RBFOX1: variants seen among roughly 807,000 people sequenced by gnomAD.
RBFOX1 encodes RNA binding protein fox-1 homolog 1.
Under a neutral mutation model 57.7 loss-of-function variants are expected in RBFOX1, and 8 were observed. The observed-to-expected ratio is 0.14, with a 90% CI of 0.08 to 0.25. RBFOX1 has a LOEUF of 0.25. Among genes scored for constraint, RBFOX1 ranks in the 10% least tolerant of loss-of-function variants. RBFOX1 has a pLI of 1.00. For missense variants in RBFOX1, 611 were observed against 548.5 expected (o/e 1.11, Z -1.14); for synonymous variants, 326 against 222.4 (o/e 1.47, Z -4.15).
chr16:5,898,605 G>C (rs959599438), intron 4 of RBFOX1, among the ~76,000 whole-genome samples: 9 of 151,342 alleles, frequency 5.9e-5, no homozygotes, highest in African/African-American at 1.2e-4. Flanking sequence ...TGTCAAGTCT[G>C]TTTTGCAGAT....
intron 1 of RBFOX1, among the ~76,000 whole-genome samples, chr16:5,408,411 C>T (rs141044988): frequency 3.3e-5 from 5 of 152,220 alleles, no homozygotes; most frequent in Non-Finnish European, 5.9e-5. Context: ...GAGGGTGCCG[C>T]GGTATGAATA....
intron 4 of RBFOX1, among the ~76,000 whole-genome samples, chr16:7,056,164 C>T (rs2052172514): frequency 6.6e-6 from 1 of 152,178 alleles, no homozygotes. Flanking sequence ...TGTCCATGAG[C>T]TTCCTGTCCC....
chr16:6,754,072 A>G (rs1284138832), intron 3 of RBFOX1, among the ~76,000 whole-genome samples: 2 of 152,168 alleles, frequency 1.3e-5, no homozygotes, highest in African/African-American at 2.4e-5. Flanking sequence ...TAAAAAAATA[A>G]AGACACCCAT....
intron 3 of RBFOX1, among the ~76,000 whole-genome samples, chr16:6,980,043 A>G (rs1403624607): frequency 2.6e-5 from 4 of 152,152 alleles, no homozygotes; most frequent in African/African-American, 4.8e-5. Context: ...CGGTGGGGCT[A>G]CAGAACTGGA....
intron 1 of RBFOX1, among the ~76,000 whole-genome samples, chr16:6,125,786 A>G (rs906562087): frequency 8.5e-5 from 13 of 152,156 alleles, no homozygotes; most frequent in Admixed American, 8.5e-4. Context: ...GTTCTCACAG[A>G]TCAGTGGCAA....
intron 3 of RBFOX1, among the ~76,000 whole-genome samples, chr16:6,892,198 C>T (rs1054956372): frequency 6.6e-6 from 1 of 152,112 alleles, no homozygotes; most frequent in Non-Finnish European, 1.5e-5. Flanking sequence ...AGTTAATGCC[C>T]TTTGGCCAAG....
intron 5 of RBFOX1, among the ~76,000 whole-genome samples, chr16:7,532,339 T>C (rs2080307986): frequency 1.3e-5 from 2 of 152,124 alleles, no homozygotes; most frequent in African/African-American, 4.8e-5. Flanking sequence ...TGGCGCCAGC[T>C]TCGGGGAGAT....
intron 11 of RBFOX1, among the ~76,000 whole-genome samples, chr16:7,639,022 G>C (rs2062283883): frequency 1.3e-5 from 2 of 151,662 alleles, no homozygotes; most frequent in Non-Finnish European, 1.5e-5. Context: ...CCCTTCTCCT[G>C]GTACCTATTA....
chr16:6,788,876 C>CA (rs2082427778), intron 3 of RBFOX1, among the ~76,000 whole-genome samples: 1 of 152,116 alleles, frequency 6.6e-6, no homozygotes, highest in African/African-American at 2.4e-5. Context: ...GAAATACTGT[C>CA]ACTCTGTAGC....
intron 3 of RBFOX1, among the ~76,000 whole-genome samples, chr16:5,714,802 T>C (rs2051627175): frequency 6.6e-6 from 1 of 152,220 alleles, no homozygotes; most frequent in Non-Finnish European, 1.5e-5. Flanking sequence ...AGGTAGAAAC[T>C]ATTATCGTCA....
intron 4 of RBFOX1, among the ~76,000 whole-genome samples, chr16:7,289,472 C>G (rs1030111235): frequency 1.3e-5 from 2 of 151,474 alleles, no homozygotes; most frequent in African/African-American, 2.4e-5. Context: ...ATCACTGTCA[C>G]CACCATTATG....
intron 3 of RBFOX1, among the ~76,000 whole-genome samples, chr16:6,853,449 A>C (rs2094176301): frequency 6.6e-6 from 1 of 152,144 alleles, no homozygotes. Context: ...CTGGTTTAAA[A>C]GGCAAATCAT....
intron 3 of RBFOX1, among the ~76,000 whole-genome samples, chr16:7,040,458 G>A (rs941639333): frequency 6.6e-6 from 1 of 152,100 alleles, no homozygotes; most frequent in African/African-American, 2.4e-5. Flanking sequence ...TATTATTGCT[G>A]CTCTTAGTAT....
At chr16:5,718,626 G>C (rs2051806824) in intron 3 of RBFOX1, among the ~76,000 whole-genome samples, 1 of 152,182 alleles carries the variant, frequency 6.6e-6, no homozygotes, top group African/African-American at 2.4e-5. Flanking sequence ...TTCTGGCCTG[G>C]CTGGACATGG....
chr16:6,675,543 T>C (rs1050700341), intron 3 of RBFOX1, among the ~76,000 whole-genome samples: 8 of 152,160 alleles, frequency 5.3e-5, no homozygotes, highest in Non-Finnish European at 7.4e-5. Flanking sequence ...ACAGTAGGCA[T>C]GGTGTGTTAG....
intron 3 of RBFOX1, among the ~76,000 whole-genome samples, chr16:5,692,786 G>C (rs995745939): frequency 2.0e-5 from 3 of 152,012 alleles, no homozygotes; most frequent in Non-Finnish European, 2.9e-5. Context: ...ACAAGAAAAC[G>C]CACAGAGTCC....
chr16:7,216,094 G>A (rs2091989557), intron 4 of RBFOX1, among the ~76,000 whole-genome samples: 1 of 152,118 alleles, frequency 6.6e-6, no homozygotes, highest in Admixed American at 6.5e-5. Flanking sequence ...TTAGCATAAT[G>A]CTTACGGGGT....
chr16:7,470,812 C>G (rs965487235), intron 4 of RBFOX1, among the ~76,000 whole-genome samples: 10 of 151,776 alleles, frequency 6.6e-5, no homozygotes, highest in African/African-American at 2.2e-4. Context: ...TGATGATAAA[C>G]AAGAGTTCAG....
rs1260432620 is a variant in RBFOX1, at chr16:7,290,963, C to T, written c.28-227184C>T. Among the ~76,000 whole-genome samples the T allele has an allele frequency of 1.2e-4, 18 of 152,194 alleles. No homozygotes were observed. In the East Asian group the frequency reaches 3.3e-3, roughly 28 times the overall value. ...TTGCCTCCATCTCAATATTGCAAAA[C>T]ATACAAGAATGCACATTTCATTCTG... On this transcript the variant is annotated intron_variant, in intron 4 of 15. Coordinates refer to ENST00000550418, the MANE Select transcript of RBFOX1 (RefSeq NM_018723.4).
Sources: gnomAD v4.1 joint callset for allele counts (sites outside exome capture counted in the v4.1 genomes callset) on GRCh38, gnomAD v4.1.1 for gene constraint, MANE v1.5 for transcripts, NCBI Gene and HGNC (gene_info 2026-07-23, HGNC 2026-07-21) for gene names.